Variants in TECTA observed in about 807,000 individuals in gnomAD.
The protein encoded by TECTA is alpha-tectorin.
TECTA carries 128 observed loss-of-function variants against 216.8 expected under a neutral mutation model. That is an observed-to-expected ratio of 0.59 (90% CI 0.51 to 0.68). TECTA has a LOEUF of 0.68. Ranked by LOEUF, TECTA falls within the 30% of genes least tolerant of loss-of-function variation. TECTA has a pLI of 0.00. For synonymous variants in TECTA, 1,089 were observed against 1,117.1 expected (o/e 0.97, Z 0.50); for missense variants, 2,551 against 2,786.2 (o/e 0.92, Z 1.90).
intron 10 of TECTA, among the ~76,000 whole-genome samples, chr11:121,132,069 A>G (rs941909504): frequency 1.3e-5 from 2 of 152,210 alleles, no homozygotes; most frequent in African/African-American, 4.8e-5. Flanking sequence ...TATTCCTTGA[A>G]CTTGCATACA....
At chr11:121,189,695 C>A in intron 22 of TECTA, 69 bp from the exon 23 acceptor site, 2 of 1,459,528 alleles carry the variant, frequency 1.4e-6, no homozygotes, top group Non-Finnish European at 1.9e-6. Context: ...CTTTTTAAAG[C>A]CCTTCCCTTC....
Position 121,160,381 on chromosome 11 carries a change from G to C in TECTA, c.4936G>C (p.Val1646Leu). ...AGGGAAGCCGGTGGTAAGCAGCGTG[G>C]TGCTGGCCCAGAGCTGGAAAACCAA... Reference protein sequence around the residue: ...LRGKPVVSSVVLAQSWKTNGM... With the variant: ...LRGKPVVSSVLLAQSWKTNGM... Residue 1646 changes from valine (V) to leucine (L), a missense_variant, in exon 15 of 24, where the codon GTG (valine) becomes CTG (leucine). Physicochemically the swap from Val to Leu is conservative, Grantham distance 32. Transcript: ENST00000392793. 6.2e-7 allele frequency: 1 copy of C among 1,613,368 alleles called. No individual in the cohort carries two copies. The highest frequency in any genetic ancestry group is 8.5e-7 in the Non-Finnish European group (1 of 1,179,974).
At position 121,118,735 on chromosome 11, in the gene TECTA, C is replaced by G; in HGVS notation, c.1203+17C>G. Reference sequence around the variant, plus strand: ...AGAGTCAAGGTGAGCCCCTTTCTATCCTTCACGGGGAAATGGAGAAGCTGG... The same window carrying G: ...AGAGTCAAGGTGAGCCCCTTTCTATGCTTCACGGGGAAATGGAGAAGCTGG... On this transcript the variant is annotated intron_variant, in intron 7 of 23. Transcript: ENST00000392793. The G allele has an allele frequency of 1.2e-6, 2 of 1,613,010 alleles. No homozygotes were observed. Among genetic ancestry groups the G allele is most frequent in the South Asian group, 2.2e-5 (2 of 90,984 alleles).
chr11:121,153,374 G>A (rs541729374), intron 13 of TECTA, among the ~76,000 whole-genome samples: 5 of 152,258 alleles, frequency 3.3e-5, no homozygotes, highest in East Asian at 1.9e-4. Context: ...TGTCTGTGTC[G>A]TGCCTTTCTC....
Position 121,127,769 on chromosome 11 carries a change from C to T in TECTA, c.1792C>T (p.Pro598Ser), listed in dbSNP as rs775543021. Residue 598 changes from proline to serine, a missense_variant, in exon 9 of 24, where the codon CCG becomes TCG. Pro to Ser is a moderately conservative substitution (Grantham distance 74). Transcript: ENST00000392793. This position sits in a 1 kb window ranked among gnomAD's most constrained non-coding sequence, Gnocchi z 5.0. ...CGCGTCAGTGTCCACAGTGCAGTGCCCGAGCTTCAGCCACTACTCCGTGTG... is the reference window on the plus strand; with the variant it reads ...CGCGTCAGTGTCCACAGTGCAGTGCTCGAGCTTCAGCCACTACTCCGTGTG... Reference protein sequence around the residue: ...QTGCVSTVQCPSFSHYSVCTS... With the variant: ...QTGCVSTVQCSSFSHYSVCTS... 1.2e-6 allele frequency: 2 copies of T among 1,614,158 alleles called. No homozygotes were observed. Among genetic ancestry groups the T allele is most frequent in the Non-Finnish European group, 1.7e-6 (2 of 1,180,008 alleles).
chr11:121,182,992 G>A (rs1296307487), intron 20 of TECTA, among the ~76,000 whole-genome samples: 1 of 152,192 alleles, frequency 6.6e-6, no homozygotes, highest in African/African-American at 2.4e-5. Flanking sequence ...GACAGTGGCA[G>A]CAGCTGCAGG....
chr11:121,152,946 G>T lies in TECTA; in HGVS notation c.4171G>T (p.Ala1391Ser), dbSNP rs779748263. ...CVSVCQPRCA[A>S]IRLKSDCSHY... Reference sequence around the variant, plus strand: ...GAGTGTCTGCCAGCCCCGCTGCGCCGCCATCCGCCTGAAGAGTGACTGCAG... The same window carrying T: ...GAGTGTCTGCCAGCCCCGCTGCGCCTCCATCCGCCTGAAGAGTGACTGCAG... The change falls in exon 13 of 24, where the codon GCC (alanine) becomes TCC (serine). Residue 1391 changes from alanine to serine, a missense_variant. By Grantham distance (99) the Ala-to-Ser change is moderately conservative. Coordinates refer to ENST00000392793, the MANE Select transcript of TECTA (RefSeq NM_005422.4). The T allele has an allele frequency of 6.2e-7, 1 of 1,613,254 alleles. No homozygotes were observed. Among genetic ancestry groups the T allele is most frequent in the Admixed American group, 1.7e-5 (1 of 60,004 alleles).
intron 3 of TECTA, among the ~76,000 whole-genome samples, chr11:121,108,560 G>GTACACACACACACACACATCCCAGTA (rs2135053704): frequency 7.9e-6 from 1 of 126,520 alleles, no homozygotes; most frequent in South Asian, 2.5e-4. Flanking sequence ...ACCACCCCCA[G>GTACACACACACACACACATCCCAGTA]TACACACACA....
chr11:121,166,811 C>G (rs780788182), intron 18 of TECTA, 31 bp downstream of exon 18: 1 of 1,610,928 alleles, frequency 6.2e-7, no homozygotes. Context: ...GAGCACCTGG[C>G]AGAGGCAGCG....
At chr11:121,152,259 G>A (rs1160385406) in intron 12 of TECTA, among the ~76,000 whole-genome samples, 2 of 152,262 alleles carry the variant, frequency 1.3e-5, no homozygotes, top group Admixed American at 1.3e-4. Context: ...GTGTACTCAT[G>A]CACACAAACA....
chr11:121,135,189 T>C (rs1946714089), intron 10 of TECTA, among the ~76,000 whole-genome samples: 1 of 152,176 alleles, frequency 6.6e-6, no homozygotes, highest in Admixed American at 6.5e-5. Flanking sequence ...ATGACAGCTG[T>C]GAATCAGGAA....
chr11:121,121,270 ACTTT>A (rs1416330788), intron 7 of TECTA, among the ~76,000 whole-genome samples: 2 of 152,172 alleles, frequency 1.3e-5, no homozygotes, highest in Non-Finnish European at 2.9e-5. Flanking sequence ...TTCCCATGGA[ACTTT>A]CTTTCAGTTC....
chr11:121,137,223 T>C (rs1030891086), intron 10 of TECTA, among the ~76,000 whole-genome samples, 198 bp from the exon 11 acceptor site: 2 of 151,682 alleles, frequency 1.3e-5, no homozygotes, highest in East Asian at 3.9e-4. Context: ...CACACATGCA[T>C]GCACACACAT....
intron 8 of TECTA, among the ~76,000 whole-genome samples, chr11:121,126,089 A>G (rs1384704347): frequency 1.3e-5 from 2 of 152,268 alleles, no homozygotes; most frequent in African/African-American, 4.8e-5. Context: ...TGATGAACAT[A>G]CATGGTCTGG....
In TECTA at chr11:121,128,242, CAAG is replaced by C. The variant is rs746308145; in HGVS notation, c.2272_2274del (p.Lys758del). On this transcript the variant is annotated inframe_deletion, in exon 9 of 24. Transcript: ENST00000392793. ...CAGAGTACTTGGAAATCGACATCAA[CAAG>C]AAGAAGCCCGATGCAGGACCTGCTT... is the stretch of plus-strand genomic sequence containing the variant. 8 of 1,600,750 alleles carry C rather than the reference CAAG, an allele frequency of 5.0e-6. No individual in the cohort carries two copies. Among genetic ancestry groups the C allele is most frequent in the Non-Finnish European group, 6.8e-6 (8 of 1,179,960 alleles).
Position 121,146,365 on chromosome 11 carries a change from G to A in TECTA, c.4105+249G>A, listed in dbSNP as rs567537895. The A allele has an allele frequency of 8.7e-5, 49 of 560,284 alleles. No individual in the cohort carries two copies. In the African/African-American group the frequency reaches 8.8e-4, roughly 10 times the overall value. The allele number at this position is 560,284 out of a possible 1,614,324, so 34.7% of individuals were successfully genotyped here. On this transcript the variant is annotated intron_variant, in intron 12 of 23. Transcript: ENST00000392793. ...TACCCTGAGGATGAAATAAGATCAT[G>A]CATATAAATCACAGAGTATCACACA...
chr11:121,103,425 G>A (rs1946364409), intron 2 of TECTA, among the ~76,000 whole-genome samples: 1 of 152,136 alleles, frequency 6.6e-6, no homozygotes, highest in Non-Finnish European at 1.5e-5. Flanking sequence ...GTACAAGTCT[G>A]AGATGAACAC....
intron 7 of TECTA, among the ~76,000 whole-genome samples, 192 bp downstream of exon 7, chr11:121,118,910 C>T (rs1227671244): frequency 6.6e-6 from 1 of 152,012 alleles, no homozygotes; most frequent in Non-Finnish European, 1.5e-5. Context: ...CAAGAGCTAT[C>T]CTAAGCTCTC....
At position 121,113,730 on chromosome 11, in the gene TECTA, C is replaced by T. The variant is rs138644808; in HGVS notation, c.790+12C>T. ...CTGCACCTCAAGGGGTAAAGCTTTT[C>T]CTCTGTCTGTGGCAAGGCAGGGTTT... On this transcript the variant is annotated intron_variant, in intron 6 of 23. Coordinates refer to ENST00000392793, the MANE Select transcript of TECTA (RefSeq NM_005422.4). This position sits in a 1 kb window ranked among gnomAD's most constrained non-coding sequence, Gnocchi z 4.2. 10,870 of 1,612,826 alleles carry T rather than the reference C, an allele frequency of 6.7e-3. 53 individuals carry two copies. Among genetic ancestry groups the T allele is most frequent in the Non-Finnish European group, 8.1e-3 (9,557 of 1,179,896 alleles).
Sources: allele counts gnomAD v4.1 joint callset (sites outside exome capture counted in the v4.1 genomes callset), GRCh38; gene constraint gnomAD v4.1.1; non-coding constraint Gnocchi (gnomAD v3.1); transcripts MANE v1.5; gene names NCBI Gene and HGNC (gene_info 2026-07-23, HGNC 2026-07-21).